Variants in NALF1 observed in about 807,000 individuals in gnomAD.
The protein encoded by NALF1 is family with sequence similarity 155 member A.
A neutral mutation model predicts 48.4 loss-of-function variants in NALF1; 3 were observed. The ratio of observed to expected loss-of-function variants is 0.06; its 90% CI spans 0.03 to 0.16. The LOEUF (loss-of-function observed/expected upper bound fraction) is 0.16, where lower values mean the gene tolerates loss of function less well. Among genes scored for constraint, NALF1 ranks in the 10% least tolerant of loss-of-function variants. The pLI, the probability that NALF1 is intolerant of heterozygous loss-of-function variation, is 1.00. For synonymous variants in NALF1, 262 were observed against 245.7 expected, an observed-to-expected ratio of 1.07 and a Z score of -0.62; for missense variants, 526 against 571.5, an observed-to-expected ratio of 0.92 and a Z score of 0.81.
intron 1 of NALF1, among the ~76,000 whole-genome samples, chr13:107,549,026 T>A (rs1229088669): frequency 6.6e-6 from 1 of 152,166 alleles, no homozygotes; most frequent in African/African-American, 2.4e-5. Flanking sequence ...ATGTGTAATA[T>A]GAGCTTTTAC....
chr13:107,626,350 T>C (rs1879674099), intron 1 of NALF1, among the ~76,000 whole-genome samples: 1 of 152,012 alleles, frequency 6.6e-6, no homozygotes, highest in South Asian at 2.1e-4. Context: ...TACAGAACAG[T>C]ATGAAAGTTC....
intron 1 of NALF1, among the ~76,000 whole-genome samples, chr13:107,802,777 C>T (rs78710416): frequency 0.028 from 4,209 of 152,012 alleles, 187 homozygotes; most frequent in African/African-American, 0.095. Flanking sequence ...AATTGCTGAA[C>T]GTGGTAGACA....
chr13:107,540,316 A>G (rs1876964124), intron 1 of NALF1, among the ~76,000 whole-genome samples: 1 of 152,124 alleles, frequency 6.6e-6, no homozygotes, highest in African/African-American at 2.4e-5. Flanking sequence ...AATATCTAAC[A>G]TATAAAAAAT....
chr13:107,385,497 G>A (rs1883512408), intron 1 of NALF1, among the ~76,000 whole-genome samples: 2 of 142,546 alleles, frequency 1.4e-5, no homozygotes, highest in Non-Finnish European at 1.5e-5. Flanking sequence ...AGGTTGCAGT[G>A]AGCCAAAATC....
chr13:107,238,834 A>T (rs1196805541), intron 1 of NALF1, among the ~76,000 whole-genome samples: 1 of 152,178 alleles, frequency 6.6e-6, no homozygotes, highest in Non-Finnish European at 1.5e-5. Flanking sequence ...AGAAACTTGG[A>T]CTTAGCTTGA....
intron 1 of NALF1, among the ~76,000 whole-genome samples, chr13:107,410,652 T>C (rs16970076): frequency 0.024 from 3,679 of 152,160 alleles, 152 homozygotes; most frequent in African/African-American, 0.083. Context: ...ACTTTAAAGG[T>C]ATCAGGAAGA....
chr13:107,725,268 T>G (rs980936534), intron 1 of NALF1, among the ~76,000 whole-genome samples: 3 of 152,234 alleles, frequency 2.0e-5, no homozygotes, highest in Non-Finnish European at 4.4e-5. Flanking sequence ...CACATTAGTT[T>G]TGTGGACTAC....
At chr13:107,626,779 G>A (rs1033124099) in intron 1 of NALF1, among the ~76,000 whole-genome samples, 13 of 152,096 alleles carry the variant, frequency 8.5e-5, no homozygotes, top group African/African-American at 3.1e-4. Context: ...CCAGAGGATG[G>A]GAAGGGGTGG....
intron 1 of NALF1, among the ~76,000 whole-genome samples, chr13:107,262,236 G>A (rs1880941321): frequency 1.3e-5 from 2 of 152,032 alleles, no homozygotes; most frequent in Non-Finnish European, 2.9e-5. Flanking sequence ...CCAACATAGT[G>A]AAACCCCATC....
At chr13:107,824,897 A>G (rs12583436) in intron 1 of NALF1, among the ~76,000 whole-genome samples, 5,807 of 152,274 alleles carry the variant, frequency 0.038, 353 homozygotes, top group East Asian at 0.28. Context: ...TCACTGGCCA[A>G]TGTCAGATGT....
At chr13:107,717,488 A>G (rs1566455563) in intron 1 of NALF1, among the ~76,000 whole-genome samples, 2 of 152,268 alleles carry the variant, frequency 1.3e-5, no homozygotes, top group Admixed American at 6.5e-5. Flanking sequence ...TAAAAGTGAA[A>G]GAGGAGAAGT....
At chr13:107,850,478 C>A (rs1043543180) in intron 1 of NALF1, among the ~76,000 whole-genome samples, 1 of 152,122 alleles carries the variant, frequency 6.6e-6, no homozygotes, top group Non-Finnish European at 1.5e-5. Context: ...CACATACACA[C>A]GAAAAGCCGA....
chr13:107,867,221 C>T lies in NALF1; in HGVS notation c.-625G>A, dbSNP rs1276138946. On this transcript the variant is annotated 5_prime_UTR_variant, in exon 1 of 3. Transcript: ENST00000375915. This position sits in a 1 kb window ranked among gnomAD's most constrained non-coding sequence, Gnocchi z 4.4. Reference sequence around the variant, plus strand: ...CTCCGCCTCCCGCTCCTGCTCCGCGCTGGCTCTCCCAGAGTCCGGAGCCTG... The same window carrying T: ...CTCCGCCTCCCGCTCCTGCTCCGCGTTGGCTCTCCCAGAGTCCGGAGCCTG... Among the ~76,000 whole-genome samples the T allele has an allele frequency of 1.3e-5, 2 of 151,508 alleles. No homozygotes were observed. The highest frequency in any genetic ancestry group is 2.4e-5 in the African/African-American group (1 of 41,298).
intron 1 of NALF1, among the ~76,000 whole-genome samples, chr13:107,816,745 TA>T (rs1330387636): frequency 4.0e-5 from 6 of 151,182 alleles, no homozygotes; most frequent in Non-Finnish European, 5.9e-5. Context: ...CGTATTGCAT[TA>T]AAAAAAAACC....
intron 1 of NALF1, among the ~76,000 whole-genome samples, chr13:107,700,801 C>CA (rs1448720421): frequency 3.3e-5 from 5 of 151,780 alleles, no homozygotes; most frequent in African/African-American, 1.2e-4. Flanking sequence ...CAAAACAAAA[C>CA]AAAAAAACCG....
intron 1 of NALF1, among the ~76,000 whole-genome samples, chr13:107,861,761 C>T (rs549155303): frequency 1.3e-5 from 2 of 152,106 alleles, no homozygotes; most frequent in South Asian, 2.1e-4. Flanking sequence ...CCAGCCTGGG[C>T]GACAGAGTGA....
intron 1 of NALF1, among the ~76,000 whole-genome samples, chr13:107,834,984 C>CT (rs1879848322): frequency 6.6e-6 from 1 of 152,184 alleles, no homozygotes; most frequent in African/African-American, 2.4e-5. Flanking sequence ...CCTCTAAAGA[C>CT]TGACTGTGGA....
At chr13:107,173,115 A>C (rs1399609748) in intron 2 of NALF1, among the ~76,000 whole-genome samples, 3 of 152,194 alleles carry the variant, frequency 2.0e-5, no homozygotes, top group African/African-American at 7.2e-5. Context: ...TTCTTTCTCA[A>C]AGGCAAATAT....
chr13:107,708,077 C>G (rs1875456464), intron 1 of NALF1, among the ~76,000 whole-genome samples: 1 of 149,464 alleles, frequency 6.7e-6, no homozygotes, highest in South Asian at 2.2e-4. Flanking sequence ...AATTTTCTAT[C>G]TAGAAAACGC....
Sources: allele counts gnomAD v4.1 joint callset (sites outside exome capture counted in the v4.1 genomes callset), GRCh38; gene constraint gnomAD v4.1.1; non-coding constraint Gnocchi (gnomAD v3.1); transcripts MANE v1.5; gene names NCBI Gene and HGNC (gene_info 2026-07-23, HGNC 2026-07-21).